The following MYO6 variants were observed in gnomAD, a reference collection of about 807,000 sequenced individuals.
MYO6 encodes myosin VI.
A neutral mutation model predicts 178.7 loss-of-function variants in MYO6; 74 were observed. That is an observed-to-expected ratio of 0.41 (90% CI 0.34 to 0.50). The LOEUF (loss-of-function observed/expected upper bound fraction) is 0.50. MYO6 is among the 20% of genes least tolerant of loss of function. The pLI, the probability that MYO6 is intolerant of heterozygous loss-of-function variation, is 0.09. For missense variants in MYO6, 1,330 were observed against 1,547.4 expected (o/e 0.86, Z 2.36); for synonymous variants, 477 against 504.6 (o/e 0.95, Z 0.73).
At position 75,881,777 on chromosome 6, in the gene MYO6, G is replaced by T. The variant is rs781458857; in HGVS notation, c.2375G>T (p.Arg792Leu). Residue 792 changes from arginine (R) to leucine (L), a missense_variant, in exon 23 of 35, where the codon CGC becomes CTC. Physicochemically the swap from Arg to Leu is moderately radical, Grantham distance 102. This residue lies in a region of MYO6 where 601 missense variants were observed against 626.1 expected (regional missense o/e 0.96). Transcript: ENST00000369977. ...GTCAATCACTGGCTCACATGCAGTC[G>T]CTGGAAGAAAGTTCAGTGGTGCTCA... ...KRVNHWLTCS[R>L]WKKVQWCSLS... The T allele has an allele frequency of 1.1e-5, 18 of 1,613,758 alleles. No homozygotes were observed. In the South Asian group the frequency reaches 1.4e-4, roughly 13 times the overall value.
intron 30 of MYO6, among the ~76,000 whole-genome samples, chr6:75,901,116 A>T (rs1052045810): frequency 6.6e-6 from 1 of 152,190 alleles, no homozygotes; most frequent in Non-Finnish European, 1.5e-5. Context: ...TACCAGTAGC[A>T]TGCTGTTATG....
intron 6 of MYO6, among the ~76,000 whole-genome samples, 165 bp downstream of exon 6, chr6:75,833,112 G>T (rs1049472874): frequency 1.3e-5 from 2 of 152,090 alleles, no homozygotes; most frequent in African/African-American, 4.8e-5. Flanking sequence ...TCATTCTCCC[G>T]AATGGCTGGG....
intron 1 of MYO6, among the ~76,000 whole-genome samples, chr6:75,769,890 A>G (rs2150016871): frequency 6.6e-6 from 1 of 150,780 alleles, no homozygotes; most frequent in East Asian, 1.9e-4. Flanking sequence ...ACACGGTGAG[A>G]CTCTGTCTCA....
intron 1 of MYO6, among the ~76,000 whole-genome samples, chr6:75,780,166 C>G (rs748231680): frequency 2.6e-5 from 4 of 152,180 alleles, no homozygotes; most frequent in Non-Finnish European, 5.9e-5. Flanking sequence ...TGTGGCCAGG[C>G]GCAGTGGCTC....
At chr6:75,911,451 C>G (rs1314925672) in intron 32 of MYO6, among the ~76,000 whole-genome samples, 3 of 151,744 alleles carry the variant, frequency 2.0e-5, no homozygotes, top group African/African-American at 7.3e-5. Flanking sequence ...TTTATATGTG[C>G]TTCAATCAGA....
intron 2 of MYO6, 23 bp from the exon 3 acceptor site, chr6:75,822,759 T>C: frequency 5.6e-6 from 9 of 1,604,426 alleles, no homozygotes; most frequent in Non-Finnish European, 7.7e-6. Flanking sequence ...TTGAGTTTAA[T>C]GAGCATTTGT....
intron 29 of MYO6, among the ~76,000 whole-genome samples, chr6:75,896,880 G>A (rs1333337966): frequency 1.3e-5 from 2 of 152,232 alleles, no homozygotes; most frequent in Non-Finnish European, 2.9e-5. Flanking sequence ...CGCAATCAGT[G>A]TCTAAGGTGA....
chr6:75,848,063 T>A (rs73462839), intron 10 of MYO6, among the ~76,000 whole-genome samples: 1 of 152,174 alleles, frequency 6.6e-6, no homozygotes. Context: ...TATAAGACTT[T>A]AGAGCGAAAA....
At chr6:75,814,669 C>T (rs1240651999) in intron 1 of MYO6, among the ~76,000 whole-genome samples, 2 of 151,954 alleles carry the variant, frequency 1.3e-5, no homozygotes, top group Admixed American at 6.6e-5. Context: ...CGAGACCTGC[C>T]TGGGCAACAC....
rs1336936889 is a variant in MYO6 at position 75,917,730 on chromosome 6, C to T, written c.*2718C>T. The T allele has an allele frequency of 6.6e-6, 1 of 152,588 alleles. No homozygotes were observed. The highest frequency in any genetic ancestry group is 6.6e-5 in the Admixed American group (1 of 15,260). 9.5% of individuals were successfully genotyped at this position (152,588 alleles called of 1,614,324 possible). The stretch of plus-strand genomic sequence containing the variant: ...GGAAAGAACATCTTAAGTGGAAAAT[C>T]AGTGGTGGTTGTGAACACTTAGAGA... On this transcript the variant is annotated 3_prime_UTR_variant, in exon 35 of 35. Coordinates refer to ENST00000369977, the MANE Select transcript of MYO6 (RefSeq NM_004999.4).
intron 1 of MYO6, among the ~76,000 whole-genome samples, chr6:75,815,008 A>C (rs1583170089): frequency 6.6e-6 from 1 of 152,380 alleles, no homozygotes; most frequent in Non-Finnish European, 1.5e-5. Context: ...AGAGAGGAGT[A>C]GTCCAAGTCC....
At chr6:75,844,765 T>G in intron 9 of MYO6, 132 bp from the exon 10 acceptor site, 1 of 645,790 alleles carries the variant, frequency 1.5e-6, no homozygotes, top group Non-Finnish European at 2.7e-6. Context: ...ATTTGAATGG[T>G]GAGATTATAC....
At chr6:75,787,716 CTCTCTCTCTCTCTCTATATATA>C (rs1435514275) in intron 1 of MYO6, among the ~76,000 whole-genome samples, 66 of 51,654 alleles carry the variant, frequency 1.3e-3, no homozygotes, top group East Asian at 3.9e-3. Flanking sequence ...CTCTCTCTCT[CTCTCTCTCTCTCTCTATATATA>C]TATATATATA....
intron 3 of MYO6, among the ~76,000 whole-genome samples, chr6:75,827,635 A>C (rs1173695290): frequency 6.6e-6 from 1 of 152,140 alleles, no homozygotes; most frequent in Non-Finnish European, 1.5e-5. Context: ...GGTAATGAGA[A>C]CTAAACTGGT....
chr6:75,804,879 T>TAC (rs150338576), intron 1 of MYO6, among the ~76,000 whole-genome samples: 35,213 of 146,604 alleles, frequency 0.24, 6,078 homozygotes, highest in African/African-American at 0.48. Context: ...CATATATATA[T>TAC]ACACACACAC....
At chr6:75,873,686 A>G (rs557083970) in intron 20 of MYO6, among the ~76,000 whole-genome samples, 2 of 152,348 alleles carry the variant, frequency 1.3e-5, no homozygotes, top group Admixed American at 1.3e-4. Context: ...TCTAACAGCA[A>G]AACTGGATCT....
rs529978838 is a variant in MYO6, at chr6:75,918,271, A to G, written c.*3259A>G. ...CTAACAAGGATGGAAGGGGAGGGCA[A>G]AGGATATCTAAACATGAGAATAAGG... On this transcript the variant is annotated 3_prime_UTR_variant, in exon 35 of 35. Transcript: ENST00000369977. The G allele has an allele frequency of 1.2e-4, 18 of 152,252 alleles. No individual in the cohort carries two copies. Among genetic ancestry groups the G allele is most frequent in the African/African-American group, 4.1e-4 (17 of 41,542 alleles). 9.4% of individuals were successfully genotyped at this position (152,252 alleles called of 1,614,324 possible). A position where few individuals can be genotyped will look rare whatever the true frequency, so the allele number is the denominator to read the frequency against.
intron 29 of MYO6, among the ~76,000 whole-genome samples, chr6:75,895,703 A>G (rs1022954941): frequency 6.6e-6 from 1 of 151,886 alleles, no homozygotes; most frequent in Admixed American, 6.6e-5. Context: ...TTTTTAGTAG[A>G]GACGGGGTTT....
At chr6:75,905,738 C>T (rs748064966) in intron 30 of MYO6, among the ~76,000 whole-genome samples, 8 of 152,204 alleles carry the variant, frequency 5.3e-5, no homozygotes, top group African/African-American at 1.2e-4. Context: ...CATCTTGGCT[C>T]GTGCCTCCAC....
Sources: gnomAD v4.1 joint callset for allele counts (sites outside exome capture counted in the v4.1 genomes callset) on GRCh38, gnomAD v4.1.1 for gene constraint, gnomAD v4.1.1 regional missense constraint, MANE v1.5 for transcripts, NCBI Gene and HGNC (gene_info 2026-07-23, HGNC 2026-07-21) for gene names.